LRRC7: variants seen among roughly 807,000 people sequenced by gnomAD.
LRRC7 encodes the protein leucine-rich repeat-containing protein 7.
In LRRC7, 23 loss-of-function variants were observed where a neutral mutation model predicts 175.7. That is an observed-to-expected ratio of 0.13 (90% confidence interval 0.09 to 0.19). LRRC7 has a LOEUF of 0.19. LRRC7 is among the 10% of genes least tolerant of loss of function. The pLI is 1.00. For missense variants in LRRC7, 1,354 were observed against 1,904.7 expected (o/e 0.71, Z 5.38); for synonymous variants, 685 against 680.9 (o/e 1.01, Z -0.09).
intron 7 of LRRC7, chr1:69,919,251 TGTA>T (rs1168119029): frequency 9.1e-6 from 4 of 440,542 alleles, no homozygotes; most frequent in Non-Finnish European, 1.6e-5. Flanking sequence ...GTTCTGTGGT[TGTA>T]GTACACAAGC....
chr1:70,075,425 T>C (rs989087075), intron 23 of LRRC7, among the ~76,000 whole-genome samples: 2 of 152,168 alleles, frequency 1.3e-5, no homozygotes, highest in Non-Finnish European at 2.9e-5. Context: ...GAAATGATCA[T>C]TATCGGTTTA....
At chr1:69,637,014 G>C (rs1653469951) in intron 1 of LRRC7, among the ~76,000 whole-genome samples, 1 of 151,482 alleles carries the variant, frequency 6.6e-6, no homozygotes, top group Non-Finnish European at 1.5e-5. Flanking sequence ...TGGTATAAAA[G>C]TTACAGTGAC....
intron 7 of LRRC7, among the ~76,000 whole-genome samples, chr1:69,864,189 T>C (rs1172929500): frequency 6.6e-6 from 1 of 152,204 alleles, no homozygotes; most frequent in Non-Finnish European, 1.5e-5. Flanking sequence ...ATAATTTCAT[T>C]GTGCTAGAAT....
intron 3 of LRRC7, among the ~76,000 whole-genome samples, chr1:69,781,720 A>G (rs1291332234): frequency 6.0e-5 from 2 of 33,524 alleles, no homozygotes; most frequent in African/African-American, 3.6e-4. Flanking sequence ...AGAAAGAAAG[A>G]AAGAAAGAAA....
intron 4 of LRRC7, among the ~76,000 whole-genome samples, chr1:69,812,765 T>A (rs1451319372): frequency 1.3e-5 from 2 of 152,162 alleles, no homozygotes; most frequent in Non-Finnish European, 2.9e-5. Context: ...TCCTATTATA[T>A]GTGTATTGAT....
chr1:69,646,279 A>G (rs2100457141), intron 1 of LRRC7, among the ~76,000 whole-genome samples: 1 of 152,236 alleles, frequency 6.6e-6, no homozygotes, highest in African/African-American at 2.4e-5. Flanking sequence ...TTAAATAGAT[A>G]TGAGAGTCTG....
intron 8 of LRRC7, among the ~76,000 whole-genome samples, chr1:69,933,990 G>A (rs1647673939): frequency 6.6e-6 from 1 of 152,268 alleles, no homozygotes; most frequent in African/African-American, 2.4e-5. Flanking sequence ...TATTTGAAGA[G>A]TATAACTGTG....
chr1:69,589,588 A>G (rs1238768822), intron 1 of LRRC7, among the ~76,000 whole-genome samples: 1 of 152,062 alleles, frequency 6.6e-6, no homozygotes, highest in Admixed American at 6.6e-5. Context: ...CCAGGGTTGT[A>G]TTTTGGGAAG....
rs1452028696 is a variant in LRRC7, at chr1:70,109,676, G to A, written c.4620+1850G>A. On this transcript the variant is annotated intron_variant, in intron 26 of 26. Transcript: ENST00000651989. ...TTCATTATGTGTAAAATGAACTGCT[G>A]TTTATATTATATCTGAAATCCCTCC... Among the ~76,000 whole-genome samples, 4 of 152,132 alleles carry A rather than the reference G, an allele frequency of 2.6e-5. No homozygotes were observed. In the East Asian group the frequency reaches 7.7e-4, roughly 29 times the overall value.
chr1:69,816,086 T>A (rs886611263), intron 4 of LRRC7, among the ~76,000 whole-genome samples: 2 of 152,068 alleles, frequency 1.3e-5, no homozygotes, highest in African/African-American at 4.8e-5. Context: ...GTTCAAGCAA[T>A]TCTGCCTCAG....
At chr1:69,744,653 T>G (rs188489999) in intron 2 of LRRC7, among the ~76,000 whole-genome samples, 3 of 151,950 alleles carry the variant, frequency 2.0e-5, no homozygotes, top group Admixed American at 2.0e-4. Context: ...AATTATTTGG[T>G]GTGTGGCATT....
At chr1:70,045,823 C>T (rs1419606000) in intron 22 of LRRC7, among the ~76,000 whole-genome samples, 1 of 152,064 alleles carries the variant, frequency 6.6e-6, no homozygotes, top group East Asian at 1.9e-4. Flanking sequence ...GGCAAGATTG[C>T]TTGTGCAGGG....
chr1:69,986,258 A>G lies in LRRC7; in HGVS notation c.803A>G (p.Lys268Arg). The change falls in exon 10 of 27, where the codon AAG becomes AGG. Residue 268 changes from lysine (K) to arginine (R), a missense_variant. By Grantham distance (26) the Lys-to-Arg change is conservative (BLOSUM62 2). Coordinates refer to ENST00000651989, the MANE Select transcript of LRRC7 (RefSeq NM_001370785.2). ...QVLPGSIGKL[K>R]MLVYLDMSKN... ...GTCATCAAGTCTATAGGGAAGTTAA[A>G]GATGTTGGTATACCTGGATATGTCA... 1 of 1,613,224 alleles carries G rather than the reference A, an allele frequency of 6.2e-7. No homozygotes were observed. Among genetic ancestry groups the G allele is most frequent in the Non-Finnish European group, 8.5e-7 (1 of 1,179,488 alleles).
intron 10 of LRRC7, among the ~76,000 whole-genome samples, chr1:69,993,722 G>A (rs1654661986): frequency 6.6e-6 from 1 of 152,128 alleles, no homozygotes; most frequent in African/African-American, 2.4e-5. Context: ...GCAGAATGCA[G>A]CAATCTATAG....
At chr1:69,849,024 T>C (rs1045449732) in intron 7 of LRRC7, among the ~76,000 whole-genome samples, 2 of 152,192 alleles carry the variant, frequency 1.3e-5, no homozygotes, top group Admixed American at 1.3e-4. Flanking sequence ...ACCTAACTAC[T>C]TTGCATTTCT....
Position 70,036,603 on chromosome 1 carries a change from A to G in LRRC7, c.2267A>G (p.His756Arg). ...SLQTTAKDAV[H>R]NSLWGNRIAP... Reference sequence around the variant, plus strand: ...CAGACAACAGCTAAAGATGCAGTACATAATTCTTTGTGGGGTAACAGGTGT... The same window carrying G: ...CAGACAACAGCTAAAGATGCAGTACGTAATTCTTTGTGGGGTAACAGGTGT... Residue 756 changes from histidine to arginine, a missense_variant, in exon 20 of 27, where the codon CAT becomes CGT. Coordinates refer to ENST00000651989, the MANE Select transcript of LRRC7 (RefSeq NM_001370785.2). The G allele has an allele frequency of 6.2e-7, 1 of 1,612,360 alleles. No homozygotes were observed. Among genetic ancestry groups the G allele is most frequent in the Non-Finnish European group, 8.5e-7 (1 of 1,179,506 alleles).
chr1:69,909,228 G>C (rs1406515320), intron 7 of LRRC7, among the ~76,000 whole-genome samples: 5 of 152,018 alleles, frequency 3.3e-5, no homozygotes, highest in Admixed American at 2.6e-4. Context: ...TATCCAATTT[G>C]CCAGTCTGTG....
At chr1:69,674,385 C>T (rs1050192142) in intron 1 of LRRC7, among the ~76,000 whole-genome samples, 1 of 152,052 alleles carries the variant, frequency 6.6e-6, no homozygotes, top group Non-Finnish European at 1.5e-5. Flanking sequence ...TTAATTTCTT[C>T]ATCTTTAAAA....
At chr1:69,656,206 T>A (rs766989506) in intron 1 of LRRC7, among the ~76,000 whole-genome samples, 3 of 152,106 alleles carry the variant, frequency 2.0e-5, no homozygotes, top group Admixed American at 2.0e-4. Flanking sequence ...ATCACCAAGA[T>A]GGAAACATGC....
Sources: allele counts gnomAD v4.1 joint callset (sites outside exome capture counted in the v4.1 genomes callset), GRCh38; gene constraint gnomAD v4.1.1; transcripts MANE v1.5; gene names NCBI Gene and HGNC (gene_info 2026-07-23, HGNC 2026-07-21).